Variants in HEATR5A observed in about 807,000 individuals in gnomAD.
The protein encoded by HEATR5A is HEAT repeat containing 5A, also known as HEAT repeat-containing protein 5A.
Under a neutral mutation model 218.8 loss-of-function variants are expected in HEATR5A, and 178 were observed. That is an observed-to-expected ratio of 0.81 (90% CI 0.72 to 0.92). HEATR5A has a LOEUF of 0.92. Ranked by LOEUF, HEATR5A falls within the 40% of genes least tolerant of loss-of-function variation. The pLI is 0.00. For synonymous variants in HEATR5A, 864 were observed against 871.6 expected (o/e 0.99, Z 0.15); for missense variants, 2,420 against 2,418.9 (o/e 1.00, Z -0.01).
chr14:31,306,438 G>A (rs746002161), intron 31 of HEATR5A, among the ~76,000 whole-genome samples: 4 of 152,116 alleles, frequency 2.6e-5, no homozygotes, highest in Non-Finnish European at 4.4e-5. Context: ...AGGCGAGATC[G>A]TGCCAATGCA....
Position 31,388,952 on chromosome 14 carries a change from G to A in HEATR5A, c.826C>T (p.Leu276=). Reference sequence around the variant, plus strand: ...CTCCCACGTAGAAACCCTGTTCCTAGTAATTCCAGAACTTCCTCCAAAGAT... The same window carrying A: ...CTCCCACGTAGAAACCCTGTTCCTAATAATTCCAGAACTTCCTCCAAAGAT... ...RVSLEEVLEL[L]GTGFLRGSSG... Residue 276 remains leucine, a synonymous_variant, in exon 7 of 36, where the codon CTA becomes TTA. Coordinates refer to ENST00000543095, the MANE Select transcript of HEATR5A (RefSeq NM_015473.4). 6.2e-7 allele frequency: 1 copy of A among 1,613,672 alleles called. No individual in the cohort carries two copies. Among genetic ancestry groups the A allele is most frequent in the Non-Finnish European group, 8.5e-7 (1 of 1,179,654 alleles).
At position 31,402,417 on chromosome 14, in the gene HEATR5A, G is replaced by A. The variant is rs142630652; in HGVS notation, c.126+433C>T. ...TCACACTCATGTCATAAGCTTTGAA[G>A]AGGGAATCTGTTTATCCATAGGCTC... On this transcript the variant is annotated intron_variant, in intron 2 of 35. Coordinates refer to ENST00000543095, the MANE Select transcript of HEATR5A (RefSeq NM_015473.4). 2.1e-3 allele frequency among the ~76,000 whole-genome samples: 313 copies of A among 152,294 alleles called. 2 individuals are homozygous for A. The highest frequency in any genetic ancestry group is 7.1e-3 in the African/African-American group (296 of 41,564).
Position 31,359,114 on chromosome 14 carries a change from G to C in HEATR5A, c.2072-57C>G, listed in dbSNP as rs1901525684. 4 of 1,526,932 alleles carry C rather than the reference G, an allele frequency of 2.6e-6. No homozygotes were observed. In the Admixed American group the frequency reaches 6.8e-5, roughly 26 times the overall value. 94.6% of individuals were successfully genotyped at this position (1,526,932 alleles called of 1,614,324 possible). ...CTATTAATTATCTGGTGAGAGTATG[G>C]GATTTAAAACTCAGGTTGAGCTTTA... On this transcript the variant is annotated intron_variant, in intron 14 of 35. Transcript: ENST00000543095.
intron 1 of HEATR5A, among the ~76,000 whole-genome samples, chr14:31,408,664 G>A (rs886078280): frequency 6.6e-5 from 10 of 151,850 alleles, no homozygotes; most frequent in African/African-American, 2.4e-4. Flanking sequence ...ATGTACTAAT[G>A]TCTGTACTTT....
At chr14:31,310,139 A>G (rs1036921648) in intron 28 of HEATR5A, among the ~76,000 whole-genome samples, 22 of 152,016 alleles carry the variant, frequency 1.4e-4, no homozygotes, top group African/African-American at 4.8e-4. Context: ...GTATTCATTA[A>G]TAACATACGC....
At chr14:31,353,112 T>A (rs972598848) in intron 16 of HEATR5A, among the ~76,000 whole-genome samples, 9 of 151,784 alleles carry the variant, frequency 5.9e-5, no homozygotes, top group South Asian at 4.2e-4. Context: ...AAAAAAAAAA[T>A]AAAATTTACC....
chr14:31,343,874 T>C, intron 21 of HEATR5A, 22 bp downstream of exon 21: 1 of 1,528,366 alleles, frequency 6.5e-7, no homozygotes, highest in East Asian at 2.3e-5. Flanking sequence ...AACTAAGAGC[T>C]CGTTTACAAT....
chr14:31,362,813 T>C (rs573680423), intron 14 of HEATR5A, among the ~76,000 whole-genome samples: 1 of 151,538 alleles, frequency 6.6e-6, no homozygotes, highest in East Asian at 1.9e-4. Flanking sequence ...CCATTATTTA[T>C]CAGAAGATAC....
At chr14:31,336,699 A>G (rs1310572467) in intron 22 of HEATR5A, among the ~76,000 whole-genome samples, 1 of 152,154 alleles carries the variant, frequency 6.6e-6, no homozygotes, top group Admixed American at 6.6e-5. Context: ...TGAAAGTGAG[A>G]TTCTGCGGCA....
Position 31,388,746 on chromosome 14 carries a change from T to G in HEATR5A, c.933+99A>C. On this transcript the variant is annotated intron_variant, in intron 7 of 35. Coordinates refer to ENST00000543095, the MANE Select transcript of HEATR5A (RefSeq NM_015473.4). ...CTATTTATAGATATGAGAGCATAAGTGTTGACCTTGCATAGTACCACTTCT... is the reference window on the plus strand; with the variant it reads ...CTATTTATAGATATGAGAGCATAAGGGTTGACCTTGCATAGTACCACTTCT... 10 of 883,976 alleles carry G rather than the reference T, an allele frequency of 1.1e-5. No homozygotes were observed. The South Asian group carries it at 1.6e-4, about 14-fold the overall frequency. The allele number at this position is 883,976 out of a possible 1,614,324, so 54.8% of individuals were successfully genotyped here.
intron 22 of HEATR5A, among the ~76,000 whole-genome samples, chr14:31,334,976 T>C (rs1595109006): frequency 7.6e-6 from 1 of 130,720 alleles, no homozygotes; most frequent in Non-Finnish European, 1.6e-5. Context: ...GAAAAAGAAA[T>C]CGCCACAGCC....
In HEATR5A at chr14:31,390,132, C is replaced by T. The variant is rs953209370; in HGVS notation, c.773-1127G>A. ...AGAGGAAATGGCTATGACAAAAAGG[C>T]CTTTATAGGATGCCAGGTGAGTTTA... is the stretch of plus-strand genomic sequence containing the variant. On this transcript the variant is annotated intron_variant, in intron 6 of 35. Coordinates refer to ENST00000543095, the MANE Select transcript of HEATR5A (RefSeq NM_015473.4). Among the ~76,000 whole-genome samples the T allele has an allele frequency of 5.3e-5, 8 of 152,026 alleles. 1 individual carries two copies. The Middle Eastern group carries it at 0.014, about 259-fold the overall frequency.
In HEATR5A at chr14:31,400,160, T is replaced by C; in HGVS notation, c.338+141A>G. 10 of 554,164 alleles carry C rather than the reference T, an allele frequency of 1.8e-5. No individual in the cohort carries two copies. The South Asian group carries it at 2.8e-4, about 15-fold the overall frequency. The allele number at this position is 554,164 out of a possible 1,614,324, so 34.3% of individuals were successfully genotyped here. On this transcript the variant is annotated intron_variant, in intron 3 of 35. Coordinates refer to ENST00000543095, the MANE Select transcript of HEATR5A (RefSeq NM_015473.4). The stretch of plus-strand genomic sequence containing the variant: ...AACTAACATGAAAAGTGTTAGTTTC[T>C]TTTTTAAGTTAGATTTTGAAAATGA...
Position 31,334,397 on chromosome 14 carries a change from A to T in HEATR5A, c.3367+3079T>A, listed in dbSNP as rs540414320. 1.8e-5 allele frequency: 8 copies of T among 456,104 alleles called. No homozygotes were observed. In the Admixed American group the frequency reaches 1.9e-4, roughly 11 times the overall value. 28.3% of individuals were successfully genotyped at this position (456,104 alleles called of 1,614,324 possible). On this transcript the variant is annotated intron_variant, in intron 22 of 35. Transcript: ENST00000543095. Reference sequence around the variant, plus strand: ...AGTAACTGAAAACCTTCTGGAAAGGATTATCATTCTAGATGGTTTCTGCAG... The same window carrying T: ...AGTAACTGAAAACCTTCTGGAAAGGTTTATCATTCTAGATGGTTTCTGCAG...
In HEATR5A at chr14:31,311,024, ACCAACCAACC is replaced by A. The variant is rs1899731302; in HGVS notation, c.4442-1852_4442-1843del. 1.6e-3 allele frequency among the ~76,000 whole-genome samples: 6 copies of A among 3,826 alleles called. No individual in the cohort carries two copies. In the Non-Finnish European group the frequency reaches 0.056, roughly 35 times the overall value. The allele number at this position is 3,826 out of a possible 152,430, so 2.5% of individuals were successfully genotyped here. A position where few individuals can be genotyped will look rare whatever the true frequency, so the allele number is the denominator to read the frequency against. ...AGCAACACCCTGTCTCTAAAAACCA[ACCAACCAACC>A]AACCAACCAACCAACCAACCAACCA... On this transcript the variant is annotated intron_variant, in intron 28 of 35. Transcript: ENST00000543095.
intron 9 of HEATR5A, among the ~76,000 whole-genome samples, chr14:31,385,378 T>C (rs1324786087): frequency 6.6e-6 from 1 of 151,764 alleles, no homozygotes; most frequent in Non-Finnish European, 1.5e-5. Context: ...ATTCTCCCAT[T>C]TTGGTCTCCT....
At chr14:31,418,936 AT>A (rs1353982741) in intron 1 of HEATR5A, among the ~76,000 whole-genome samples, 1 of 152,150 alleles carries the variant, frequency 6.6e-6, no homozygotes, top group African/African-American at 2.4e-5. Flanking sequence ...TAAAAAAATA[AT>A]TTTTTTCTGT....
chr14:31,333,949 G>C (rs775694470), intron 22 of HEATR5A, among the ~76,000 whole-genome samples: 14 of 144,820 alleles, frequency 9.7e-5, no homozygotes, highest in Non-Finnish European at 1.8e-4. Flanking sequence ...GAGGTGGAAA[G>C]ATCACATGAG....
At chr14:31,335,906 C>T (rs947192823) in intron 22 of HEATR5A, among the ~76,000 whole-genome samples, 22 of 151,794 alleles carry the variant, frequency 1.4e-4, no homozygotes, top group Non-Finnish European at 2.4e-4. Context: ...CTGCCCACCT[C>T]GGCCTCCCGA....
Sources: gnomAD v4.1 joint callset for allele counts (sites outside exome capture counted in the v4.1 genomes callset) on GRCh38, gnomAD v4.1.1 for gene constraint, MANE v1.5 for transcripts, NCBI Gene and HGNC (gene_info 2026-07-23, HGNC 2026-07-21) for gene names.